Variants in KCNIP4 observed in about 807,000 individuals in gnomAD.
KCNIP4 encodes the protein Kv channel-interacting protein 4.
In KCNIP4, 12 loss-of-function variants were observed where a neutral mutation model predicts 34.0. The observed-to-expected ratio is 0.35, with a 90% confidence interval of 0.23 to 0.57. The LOEUF (loss-of-function observed/expected upper bound fraction) is 0.57, where lower values mean the gene tolerates loss of function less well. Ranked by LOEUF, KCNIP4 falls within the 20% of genes least tolerant of loss-of-function variation. The probability of loss-of-function intolerance (pLI) is 0.83; values close to 1 mark genes in which losing one functional copy is unlikely to be tolerated. For missense variants in KCNIP4, 238 were observed against 311.7 expected (o/e 0.76, Z 1.78); for synonymous variants, 124 against 102.2 (o/e 1.21, Z -1.29).
At chr4:21,039,659 A>G (rs928923502) in intron 1 of KCNIP4, among the ~76,000 whole-genome samples, 13 of 152,214 alleles carry the variant, frequency 8.5e-5, no homozygotes, top group African/African-American at 3.1e-4. Context: ...ATGCAGAGTG[A>G]CATTCAATTG....
At chr4:21,618,869 G>A (rs148925180) in intron 1 of KCNIP4, among the ~76,000 whole-genome samples, 4 of 151,862 alleles carry the variant, frequency 2.6e-5, no homozygotes, top group East Asian at 3.9e-4. Context: ...ACCTGACCTC[G>A]TGATCCGCCC....
At chr4:20,979,028 A>T (rs1012719264) in intron 1 of KCNIP4, among the ~76,000 whole-genome samples, 1 of 152,110 alleles carries the variant, frequency 6.6e-6, no homozygotes, top group African/African-American at 2.4e-5. Context: ...TATGTGTAAA[A>T]TTTTTCAAAA....
intron 1 of KCNIP4, among the ~76,000 whole-genome samples, chr4:21,265,616 A>C (rs1761752887): frequency 6.6e-6 from 1 of 152,204 alleles, no homozygotes. Context: ...TTTTGTTTTC[A>C]ATGGTCAAAT....
chr4:21,121,874 C>T (rs1044918317), intron 1 of KCNIP4, among the ~76,000 whole-genome samples: 2 of 152,166 alleles, frequency 1.3e-5, no homozygotes, highest in African/African-American at 4.8e-5. Context: ...ATCACTTGGC[C>T]TCTGTCAGCT....
At chr4:21,191,668 T>A (rs1755656021) in intron 1 of KCNIP4, among the ~76,000 whole-genome samples, 1 of 152,216 alleles carries the variant, frequency 6.6e-6, no homozygotes, top group Non-Finnish European at 1.5e-5. Context: ...AACAATCTCT[T>A]ACAGATAAGA....
chr4:21,899,857 A>G (rs569676077), intron 1 of KCNIP4, among the ~76,000 whole-genome samples: 1 of 152,302 alleles, frequency 6.6e-6, no homozygotes, highest in Non-Finnish European at 1.5e-5. Context: ...TAAAATGTCT[A>G]TACTACATAA....
intron 1 of KCNIP4, among the ~76,000 whole-genome samples, chr4:21,658,692 C>T (rs759120709): frequency 2.0e-5 from 3 of 152,136 alleles, no homozygotes; most frequent in Admixed American, 6.5e-5. Context: ...TGAGCCACCG[C>T]GCCAGGCCCA....
intron 1 of KCNIP4, among the ~76,000 whole-genome samples, chr4:21,429,309 T>G (rs1173422632): frequency 6.7e-6 from 1 of 149,972 alleles, no homozygotes; most frequent in Non-Finnish European, 1.5e-5. Context: ...TTTCTTTTCA[T>G]GACTTGATAA....
intron 1 of KCNIP4, among the ~76,000 whole-genome samples, chr4:21,417,939 G>T (rs1241000800): frequency 6.6e-6 from 1 of 152,090 alleles, no homozygotes; most frequent in Non-Finnish European, 1.5e-5. Flanking sequence ...ATGGAAGTAA[G>T]TATTTAAAGG....
At chr4:21,137,697 A>C (rs1751606127) in intron 1 of KCNIP4, among the ~76,000 whole-genome samples, 1 of 152,126 alleles carries the variant, frequency 6.6e-6, no homozygotes, top group African/African-American at 2.4e-5. Context: ...AACATGGTAA[A>C]ATACAGTTAT....
At chr4:21,776,223 A>T (rs1719169153) in intron 1 of KCNIP4, among the ~76,000 whole-genome samples, 1 of 152,084 alleles carries the variant, frequency 6.6e-6, no homozygotes, top group South Asian at 2.1e-4. Context: ...AAGCTGCTGC[A>T]CCTCACTGTT....
At chr4:20,839,162 T>TAA (rs1719413322) in intron 3 of KCNIP4, among the ~76,000 whole-genome samples, 1 of 152,132 alleles carries the variant, frequency 6.6e-6, no homozygotes, top group Non-Finnish European at 1.5e-5. Flanking sequence ...GAGGTGACTC[T>TAA]CAAATCTGTA....
intron 1 of KCNIP4, among the ~76,000 whole-genome samples, chr4:21,463,345 C>T (rs1209506388): frequency 6.6e-6 from 1 of 151,878 alleles, no homozygotes; most frequent in African/African-American, 2.4e-5. Flanking sequence ...AGGTCTTTCG[C>T]CTATTTTTAA....
At chr4:21,662,561 C>G (rs1469799983) in intron 1 of KCNIP4, among the ~76,000 whole-genome samples, 4 of 152,130 alleles carry the variant, frequency 2.6e-5, no homozygotes, top group Non-Finnish European at 5.9e-5. Flanking sequence ...TAATTAGAAC[C>G]CTATTTCTTT....
intron 1 of KCNIP4, among the ~76,000 whole-genome samples, chr4:21,264,283 G>C (rs1485011727): frequency 1.4e-5 from 2 of 138,656 alleles, no homozygotes; most frequent in African/African-American, 5.4e-5. Context: ...CTTAGGAATA[G>C]AAATAATTCA....
intron 1 of KCNIP4, among the ~76,000 whole-genome samples, chr4:21,438,160 T>A (rs1324701619): frequency 6.6e-5 from 10 of 152,168 alleles, no homozygotes; most frequent in African/African-American, 2.4e-4. Flanking sequence ...GACAACCTGC[T>A]TATAACTATT....
At chr4:21,873,792 T>C (rs1181787870) in intron 1 of KCNIP4, among the ~76,000 whole-genome samples, 2 of 152,146 alleles carry the variant, frequency 1.3e-5, no homozygotes, top group East Asian at 3.9e-4. Context: ...AATAAATAGG[T>C]CTTGTAGGAG....
chr4:21,488,792 T>G (rs1669275274), intron 1 of KCNIP4, among the ~76,000 whole-genome samples: 1 of 152,010 alleles, frequency 6.6e-6, no homozygotes, highest in Admixed American at 6.6e-5. Context: ...TTAATCAAAC[T>G]GTCAGAGGCC....
At chr4:21,918,408 C>T (rs369144194) in intron 1 of KCNIP4, among the ~76,000 whole-genome samples, 23 of 152,234 alleles carry the variant, frequency 1.5e-4, no homozygotes, top group African/African-American at 5.1e-4. Flanking sequence ...TTTCCATGCA[C>T]ATCGTATTAG....
Sources: allele counts gnomAD v4.1 joint callset (sites outside exome capture counted in the v4.1 genomes callset), GRCh38; gene constraint gnomAD v4.1.1; transcripts MANE v1.5; gene names NCBI Gene and HGNC (gene_info 2026-07-23, HGNC 2026-07-21).